The following TTC28 variants were observed in gnomAD, a reference collection of about 807,000 sequenced individuals.
The protein encoded by TTC28 is tetratricopeptide repeat protein 28.
Under a neutral mutation model 198.0 loss-of-function variants are expected in TTC28, and 61 were observed. The observed-to-expected ratio is 0.31, with a 90% CI of 0.25 to 0.38. The LOEUF is 0.38. Ranked by LOEUF, TTC28 falls within the 10% of genes least tolerant of loss-of-function variation. The pLI, the probability that TTC28 is intolerant of heterozygous loss-of-function variation, is 1.00. For synonymous variants in TTC28, 1,171 were observed against 1,297.8 expected (o/e 0.90, Z 2.10); for missense variants, 2,678 against 3,164.0 (o/e 0.85, Z 3.69).
At chr22:28,204,352 G>C (rs1926219123) in intron 5 of TTC28, among the ~76,000 whole-genome samples, 1 of 152,158 alleles carries the variant, frequency 6.6e-6, no homozygotes, top group Non-Finnish European at 1.5e-5. Context: ...TGGTCACATG[G>C]ATTCAATATC....
chr22:28,085,205 A>G (rs1427555058), intron 12 of TTC28, among the ~76,000 whole-genome samples: 1 of 152,056 alleles, frequency 6.6e-6, no homozygotes, highest in African/African-American at 2.4e-5. Flanking sequence ...AAGACACATC[A>G]TTGTCAGATT....
intron 19 of TTC28, among the ~76,000 whole-genome samples, chr22:27,991,669 ACT>A (rs1937413855): frequency 6.6e-6 from 1 of 152,150 alleles, no homozygotes; most frequent in African/African-American, 2.4e-5. Context: ...CAGAAAAGCA[ACT>A]CTGTGCTCTT....
intron 2 of TTC28, among the ~76,000 whole-genome samples, chr22:28,454,124 C>A (rs1251074379): frequency 2.0e-5 from 3 of 152,184 alleles, no homozygotes; most frequent in Non-Finnish European, 2.9e-5. Context: ...GAGAGGCTAT[C>A]CCTGACCAAA....
At chr22:28,356,913 C>T (rs2046085922) in intron 2 of TTC28, among the ~76,000 whole-genome samples, 1 of 152,164 alleles carries the variant, frequency 6.6e-6, no homozygotes, top group South Asian at 2.1e-4. Context: ...AGCACAAGAC[C>T]TCCTTCTGAG....
At chr22:28,628,056 C>T (rs983490570) in intron 2 of TTC28, among the ~76,000 whole-genome samples, 1 of 152,022 alleles carries the variant, frequency 6.6e-6, no homozygotes, top group Non-Finnish European at 1.5e-5. Context: ...TAGGTGAGTG[C>T]CACCATACCT....
rs116387579 is a variant in TTC28, at chr22:28,008,766, G to C, written c.4218+5482C>G. ...AACTGAAAACTGAGGGGTGATTTGG[G>C]ATCTGAGTGGACGAGTGGCTTTGCC... On this transcript the variant is annotated intron_variant, in intron 14 of 22. Coordinates refer to ENST00000397906, the MANE Select transcript of TTC28 (RefSeq NM_001145418.2). Among the ~76,000 whole-genome samples, 1,419 of 152,266 alleles carry C rather than the reference G, an allele frequency of 9.3e-3. 23 individuals are homozygous for C. The highest frequency in any genetic ancestry group is 0.032 in the African/African-American group (1,322 of 41,542).
At chr22:28,139,590 A>G (rs1417977492) in intron 6 of TTC28, among the ~76,000 whole-genome samples, 1 of 152,176 alleles carries the variant, frequency 6.6e-6, no homozygotes, top group African/African-American at 2.4e-5. Flanking sequence ...AGGAAGGAAA[A>G]TACTGCAAGG....
At chr22:28,484,489 T>A (rs950628995) in intron 2 of TTC28, among the ~76,000 whole-genome samples, 2 of 152,156 alleles carry the variant, frequency 1.3e-5, no homozygotes, top group Non-Finnish European at 2.9e-5. Context: ...GCAAACCCCA[T>A]ATTTGTCATT....
In TTC28 at chr22:28,496,322, T is replaced by C. The variant is rs1415163388; in HGVS notation, c.381+133230A>G. Among the ~76,000 whole-genome samples the C allele has an allele frequency of 2.0e-5, 3 of 152,134 alleles. No individual in the cohort carries two copies. In the South Asian group the frequency reaches 6.2e-4, roughly 32 times the overall value. On this transcript the variant is annotated intron_variant, in intron 2 of 22. Transcript: ENST00000397906. Reference sequence around the variant, plus strand: ...CCGACCTCTCCCCTTAGGTGTCTAATAAATATCTTAAACTTAACATGTCCA... The same window carrying C: ...CCGACCTCTCCCCTTAGGTGTCTAACAAATATCTTAAACTTAACATGTCCA...
intron 2 of TTC28, among the ~76,000 whole-genome samples, chr22:28,612,799 A>C (rs539244287): frequency 6.6e-6 from 1 of 152,232 alleles, no homozygotes; most frequent in African/African-American, 2.4e-5. Flanking sequence ...ACAAAGACAC[A>C]ATGTGCCAGA....
At chr22:28,275,441 A>G (rs1932359846) in intron 5 of TTC28, among the ~76,000 whole-genome samples, 1 of 152,196 alleles carries the variant, frequency 6.6e-6, no homozygotes, top group South Asian at 2.1e-4. Context: ...GGTGGCTTTA[A>G]AACAAATTGG....
At chr22:27,990,484 AGGGGTCTGTGTGT>A (rs892025851) in intron 20 of TTC28, among the ~76,000 whole-genome samples, 59 of 152,168 alleles carry the variant, frequency 3.9e-4, no homozygotes, top group African/African-American at 1.4e-3. Context: ...GCCTCTCCTC[AGGGGTCTGTGTGT>A]GGGTTCACAG....
intron 13 of TTC28, among the ~76,000 whole-genome samples, chr22:28,023,600 G>A (rs1377619754): frequency 6.6e-6 from 1 of 152,246 alleles, no homozygotes; most frequent in Non-Finnish European, 1.5e-5. Context: ...AAACAAACCT[G>A]TGGGGTCGAA....
chr22:28,139,885 T>A (rs987382889), intron 6 of TTC28, among the ~76,000 whole-genome samples: 3 of 152,126 alleles, frequency 2.0e-5, no homozygotes, highest in African/African-American at 4.8e-5. Context: ...CTCCTCTCTA[T>A]AGGCTAAATT....
In TTC28 at chr22:27,996,169, C is replaced by A. The variant is rs180717177; in HGVS notation, c.5210G>T (p.Arg1737Leu). 1.9e-6 allele frequency: 3 copies of A among 1,550,840 alleles called. No homozygotes were observed. In the East Asian group the frequency reaches 7.3e-5, roughly 38 times the overall value. Residue 1737 changes from arginine (R) to leucine (L), a missense_variant, in exon 17 of 23, where the codon CGT (arginine) becomes CTT (leucine). Transcript: ENST00000397906. ...CAGCACTCGCAGGGCGTCCCGCGCA[C>A]GCTCCGGGTGCTGCAGGATCTCTGT... is the stretch of plus-strand genomic sequence containing the variant. ...ALTEILQHPERARDALRVLLH... is the reference protein window; with the variant it reads ...ALTEILQHPELARDALRVLLH...
At chr22:28,441,200 A>C (rs1241684858) in intron 2 of TTC28, among the ~76,000 whole-genome samples, 1 of 152,212 alleles carries the variant, frequency 6.6e-6, no homozygotes, top group African/African-American at 2.4e-5. Flanking sequence ...GTTTCCACAG[A>C]CATAACCACA....
At chr22:28,274,202 T>C (rs996931060) in intron 5 of TTC28, among the ~76,000 whole-genome samples, 4 of 152,214 alleles carry the variant, frequency 2.6e-5, no homozygotes, top group African/African-American at 9.6e-5. Context: ...TAACTCCAGT[T>C]TCTGATATGC....
intron 1 of TTC28, among the ~76,000 whole-genome samples, chr22:28,661,581 G>A (rs911510590): frequency 4.0e-5 from 6 of 151,834 alleles, no homozygotes; most frequent in East Asian, 1.9e-4. Flanking sequence ...CACCATACCC[G>A]GCTAATTTGA....
At chr22:28,087,215 GA>G (rs1309217145) in intron 12 of TTC28, among the ~76,000 whole-genome samples, 1 of 152,050 alleles carries the variant, frequency 6.6e-6, no homozygotes, top group Non-Finnish European at 1.5e-5. Flanking sequence ...CAAAAAAAGA[GA>G]ATTTTAGACC....
Sources: allele counts gnomAD v4.1 joint callset (sites outside exome capture counted in the v4.1 genomes callset), GRCh38; gene constraint gnomAD v4.1.1; transcripts MANE v1.5; gene names NCBI Gene and HGNC (gene_info 2026-07-23, HGNC 2026-07-21).